Variants in CSNK2A2IP observed in about 807,000 individuals in gnomAD.
The protein encoded by CSNK2A2IP is casein kinase II subunit alpha'-interacting protein.
At chr3:88,349,825 T>C in the CSNK2A2IP span, among the ~76,000 whole-genome samples, 1 of 152,144 alleles carries the variant, frequency 6.6e-6, no homozygotes, top group Non-Finnish European at 1.5e-5. Context: ...TTTTAAATTA[T>C]AGCCATTCTC....
the CSNK2A2IP span, among the ~76,000 whole-genome samples, chr3:88,412,800 A>G: frequency 6.6e-6 from 1 of 152,064 alleles, no homozygotes; most frequent in Non-Finnish European, 1.5e-5. Flanking sequence ...TAATAGTGTA[A>G]GGAGATAGTA....
chr3:88,393,966 C>T, the CSNK2A2IP span, among the ~76,000 whole-genome samples: 1 of 152,074 alleles, frequency 6.6e-6, no homozygotes, highest in Admixed American at 6.5e-5. Context: ...CGCTAGGGGA[C>T]AATGATGACA....
chr3:88,451,623 G>T, the CSNK2A2IP span, among the ~76,000 whole-genome samples: 2 of 150,868 alleles, frequency 1.3e-5, no homozygotes, highest in African/African-American at 4.9e-5. Context: ...TTCTTTTGTT[G>T]TTCCTGTATT....
At chr3:88,393,868 G>C in the CSNK2A2IP span, among the ~76,000 whole-genome samples, 3 of 152,188 alleles carry the variant, frequency 2.0e-5, no homozygotes, top group Non-Finnish European at 4.4e-5. Context: ...AAATGACCAA[G>C]AGACTGGCAG....
chr3:88,430,832 A>T, the CSNK2A2IP span, among the ~76,000 whole-genome samples: 2 of 152,062 alleles, frequency 1.3e-5, no homozygotes, highest in Non-Finnish European at 2.9e-5. Context: ...ATCCACATAC[A>T]CCCCATCCAC....
chr3:88,407,179 G>C, the CSNK2A2IP span, among the ~76,000 whole-genome samples: 2 of 151,780 alleles, frequency 1.3e-5, no homozygotes, highest in East Asian at 3.9e-4. Flanking sequence ...GCGGATTTGG[G>C]GGCGCCAGAG....
chr3:88,412,537 C>G, the CSNK2A2IP span, among the ~76,000 whole-genome samples: 3 of 151,932 alleles, frequency 2.0e-5, no homozygotes, highest in East Asian at 3.9e-4. Flanking sequence ...CTTGGGTACT[C>G]ACATGTACTT....
chr3:88,462,121 A>ATATG, the CSNK2A2IP span, among the ~76,000 whole-genome samples: 2 of 147,644 alleles, frequency 1.4e-5, no homozygotes, highest in Non-Finnish European at 3.0e-5. Flanking sequence ...TTTCATATAT[A>ATATG]TATATATATA....
At chr3:88,366,786 A>G in the CSNK2A2IP span, among the ~76,000 whole-genome samples, 1 of 152,140 alleles carries the variant, frequency 6.6e-6, no homozygotes, top group African/African-American at 2.4e-5. Flanking sequence ...ACTGCTGAAA[A>G]AGACGTAACT....
At chr3:88,421,085 C>T in the CSNK2A2IP span, among the ~76,000 whole-genome samples, 1 of 152,098 alleles carries the variant, frequency 6.6e-6, no homozygotes, top group Non-Finnish European at 1.5e-5. Flanking sequence ...AGAGAGATGT[C>T]TTAGCTTCTT....
chr3:88,444,385 G>A, the CSNK2A2IP span, among the ~76,000 whole-genome samples: 2 of 152,122 alleles, frequency 1.3e-5, no homozygotes, highest in Middle Eastern at 3.2e-3. Context: ...TTCTAATAAG[G>A]GAAAGGTTAT....
At chr3:88,430,774 T>C in the CSNK2A2IP span, among the ~76,000 whole-genome samples, 2 of 151,646 alleles carry the variant, frequency 1.3e-5, no homozygotes, top group African/African-American at 4.8e-5. Context: ...AAAAACAACA[T>C]GGAAAAAAAA....
At chr3:88,466,062 G>A in the CSNK2A2IP span, 6 of 1,231,472 alleles carry the variant, frequency 4.9e-6, no homozygotes, top group South Asian at 4.1e-5. Flanking sequence ...CTTCATTGCA[G>A]CGCAATCAAA....
the CSNK2A2IP span, among the ~76,000 whole-genome samples, chr3:88,460,010 T>A: frequency 6.6e-6 from 1 of 152,164 alleles, no homozygotes; most frequent in East Asian, 1.9e-4. Context: ...TGTTTTAATG[T>A]CTGAATGACA....
the CSNK2A2IP span, among the ~76,000 whole-genome samples, chr3:88,449,820 G>GAC: frequency 0.042 from 1,980 of 47,052 alleles, 48 homozygotes; most frequent in East Asian, 0.09. Context: ...TTTATATCGA[G>GAC]ACACACACAC....
At chr3:88,370,612 CT>C in the CSNK2A2IP span, among the ~76,000 whole-genome samples, 1 of 58,918 alleles carries the variant, frequency 1.7e-5, no homozygotes, top group African/African-American at 3.7e-5. Context: ...CTCTCTCTCT[CT>C]TTCTTTCTTT....
chr3:88,449,316 G>A, the CSNK2A2IP span, among the ~76,000 whole-genome samples: 1 of 151,972 alleles, frequency 6.6e-6, no homozygotes, highest in Admixed American at 6.6e-5. Flanking sequence ...TTCTGTGAAT[G>A]CTCATGATTT....
chr3:88,368,763 C>T, the CSNK2A2IP span, among the ~76,000 whole-genome samples: 1 of 152,126 alleles, frequency 6.6e-6, no homozygotes, highest in African/African-American at 2.4e-5. Context: ...GACCTTTGAT[C>T]TGTACCCCTT....
the CSNK2A2IP span, among the ~76,000 whole-genome samples, chr3:88,360,057 T>C: frequency 2.6e-5 from 4 of 152,166 alleles, no homozygotes; most frequent in Admixed American, 2.6e-4. Flanking sequence ...GGTGTATATA[T>C]ATTTATAATT....
Sources: allele counts gnomAD v4.1 joint callset (sites outside exome capture counted in the v4.1 genomes callset), GRCh38; gene constraint gnomAD v4.1.1; transcripts MANE v1.5; gene names NCBI Gene and HGNC (gene_info 2026-07-23, HGNC 2026-07-21).